KCNH8: variants seen among roughly 807,000 people sequenced by gnomAD.
KCNH8 encodes potassium voltage-gated channel subfamily H member 8.
Under a neutral mutation model 103.6 loss-of-function variants are expected in KCNH8, and 70 were observed. The observed-to-expected ratio is 0.68, with a 90% CI of 0.56 to 0.82. KCNH8 has a LOEUF of 0.82. Among genes scored for constraint, KCNH8 ranks in the 40% least tolerant of loss-of-function variants. The pLI is 0.00. For synonymous variants in KCNH8, 498 were observed against 489.4 expected (o/e 1.02, Z -0.23); for missense variants, 1,217 against 1,329.9 (o/e 0.92, Z 1.32).
chr3:19,180,093 C>A (rs2063436387), intron 1 of KCNH8, among the ~76,000 whole-genome samples: 1 of 152,066 alleles, frequency 6.6e-6, no homozygotes, highest in Admixed American at 6.6e-5. Flanking sequence ...AAGTCAAAAT[C>A]ATGCTTCAGA....
intron 1 of KCNH8, among the ~76,000 whole-genome samples, chr3:19,205,969 C>T (rs917941651): frequency 6.6e-6 from 1 of 151,644 alleles, no homozygotes; most frequent in Admixed American, 6.6e-5. Context: ...GCCCTTTCCA[C>T]CCTTTCCTCT....
intron 15 of KCNH8, among the ~76,000 whole-genome samples, chr3:19,525,047 G>A (rs951470959): frequency 1.3e-5 from 2 of 151,752 alleles, no homozygotes; most frequent in African/African-American, 4.8e-5. Context: ...ACAATGTATT[G>A]TATATCTGAA....
chr3:19,457,008 A>T, intron 11 of KCNH8, 26 bp downstream of exon 11: 2 of 1,466,270 alleles, frequency 1.4e-6, no homozygotes, highest in Non-Finnish European at 1.9e-6. Context: ...AATTAGTGCT[A>T]AGACCTAATA....
intron 3 of KCNH8, among the ~76,000 whole-genome samples, chr3:19,326,478 T>A (rs1460663880): frequency 6.6e-6 from 1 of 151,616 alleles, no homozygotes; most frequent in Non-Finnish European, 1.5e-5. Context: ...GTGTCTCTGG[T>A]ACTTTTTAAA....
chr3:19,148,619 C>G lies in KCNH8; in HGVS notation c.-101C>G, dbSNP rs955227302. The G allele has an allele frequency of 7.8e-6, 9 of 1,156,930 alleles. No homozygotes were observed. Among genetic ancestry groups the G allele is most frequent in the Non-Finnish European group, 1.0e-5 (8 of 763,630 alleles). The allele number at this position is 1,156,930 out of a possible 1,614,324, so 71.7% of individuals were successfully genotyped here. ...CCCGCCGTCAGGCCGGGTCCCCCTT[C>G]CCTGCCGTCATCAGGTTCCCCTTCT... On this transcript the variant is annotated 5_prime_UTR_variant, in exon 1 of 16. Coordinates refer to ENST00000328405, the MANE Select transcript of KCNH8 (RefSeq NM_144633.3).
At chr3:19,288,405 A>G (rs1433613445) in intron 3 of KCNH8, among the ~76,000 whole-genome samples, 1 of 142,706 alleles carries the variant, frequency 7.0e-6, no homozygotes, top group Admixed American at 7.1e-5. Flanking sequence ...AACAGGCCCC[A>G]GTGTGTGATA....
chr3:19,508,695 G>A (rs1027966461), intron 11 of KCNH8, among the ~76,000 whole-genome samples: 7 of 152,136 alleles, frequency 4.6e-5, no homozygotes, highest in Non-Finnish European at 1.0e-4. Flanking sequence ...TTACCTGGGA[G>A]CTAACTAGAA....
At chr3:19,258,945 CTCTA>C (rs1448501818) in intron 2 of KCNH8, among the ~76,000 whole-genome samples, 865 of 42,162 alleles carry the variant, frequency 0.021, no homozygotes, top group Non-Finnish European at 0.025. Context: ...CTCTCTCTCT[CTCTA>C]TATATATATA....
intron 1 of KCNH8, among the ~76,000 whole-genome samples, chr3:19,222,185 A>G (rs1445266309): frequency 6.6e-6 from 1 of 152,206 alleles, no homozygotes; most frequent in African/African-American, 2.4e-5. Flanking sequence ...GGAGTTGGGC[A>G]ATATGAGTAG....
intron 5 of KCNH8, among the ~76,000 whole-genome samples, chr3:19,381,936 G>A (rs892517705): frequency 2.0e-5 from 3 of 152,096 alleles, no homozygotes; most frequent in African/African-American, 7.2e-5. Context: ...CCAGGACAGT[G>A]GTTATATTTT....
At chr3:19,149,883 T>C (rs1326826940) in intron 1 of KCNH8, among the ~76,000 whole-genome samples, 4 of 152,230 alleles carry the variant, frequency 2.6e-5, no homozygotes, top group Admixed American at 2.6e-4. Flanking sequence ...GGGAGAGCAA[T>C]ACTAATTTCA....
At chr3:19,295,652 GACCTGC>G (rs2064988607) in intron 3 of KCNH8, among the ~76,000 whole-genome samples, 1 of 152,118 alleles carries the variant, frequency 6.6e-6, no homozygotes, top group Admixed American at 6.6e-5. Context: ...ACTTTTCTTT[GACCTGC>G]TGGCATTTTC....
intron 1 of KCNH8, among the ~76,000 whole-genome samples, chr3:19,230,580 G>A (rs2063982826): frequency 6.6e-6 from 1 of 152,162 alleles, no homozygotes; most frequent in African/African-American, 2.4e-5. Context: ...TGCATACTGT[G>A]TCATCGGTTG....
At chr3:19,344,435 C>T (rs1253861318) in intron 4 of KCNH8, among the ~76,000 whole-genome samples, 1 of 152,090 alleles carries the variant, frequency 6.6e-6, no homozygotes, top group Non-Finnish European at 1.5e-5. Context: ...ATAACTCCCA[C>T]TACTTAGCTA....
chr3:19,373,974 T>G (rs984078781), intron 5 of KCNH8, among the ~76,000 whole-genome samples: 1 of 152,144 alleles, frequency 6.6e-6, no homozygotes, highest in African/African-American at 2.4e-5. Flanking sequence ...GTCTGAGAGA[T>G]AGTTTGTTAC....
At chr3:19,178,407 G>A (rs2063420757) in intron 1 of KCNH8, among the ~76,000 whole-genome samples, 2 of 152,096 alleles carry the variant, frequency 1.3e-5, no homozygotes, top group African/African-American at 4.8e-5. Context: ...GTTACATATT[G>A]CTAAGGGAGC....
At chr3:19,477,965 A>G (rs1351498941) in intron 11 of KCNH8, among the ~76,000 whole-genome samples, 1 of 152,082 alleles carries the variant, frequency 6.6e-6, no homozygotes, top group East Asian at 1.9e-4. Context: ...TCCACTCTGT[A>G]TGTCCATGTA....
intron 1 of KCNH8, among the ~76,000 whole-genome samples, chr3:19,216,191 C>T (rs1377747098): frequency 2.0e-5 from 3 of 152,162 alleles, no homozygotes; most frequent in Admixed American, 6.5e-5. Flanking sequence ...TTACCCTTTC[C>T]CCTTAGCTTG....
At chr3:19,201,575 C>T (rs1400897118) in intron 1 of KCNH8, among the ~76,000 whole-genome samples, 1 of 151,972 alleles carries the variant, frequency 6.6e-6, no homozygotes, top group Admixed American at 6.6e-5. Context: ...ATATTCTACT[C>T]CACCAGCTGC....
Sources: allele counts gnomAD v4.1 joint callset (sites outside exome capture counted in the v4.1 genomes callset), GRCh38; gene constraint gnomAD v4.1.1; transcripts MANE v1.5; gene names NCBI Gene and HGNC (gene_info 2026-07-23, HGNC 2026-07-21).